Variants in ZHX2 observed in about 807,000 individuals in gnomAD.
ZHX2 encodes the protein zinc fingers and homeoboxes 2.
A neutral mutation model predicts 21.9 loss-of-function variants in ZHX2; 6 were observed. The observed-to-expected ratio is 0.27, with a 90% CI of 0.15 to 0.54. ZHX2 has a LOEUF of 0.54. ZHX2 is among the 20% of genes least tolerant of loss of function. ZHX2 has a pLI of 0.95. For missense variants in ZHX2, 908 were observed against 1,090.7 expected (o/e 0.83, Z 2.36); for synonymous variants, 434 against 437.1 (o/e 0.99, Z 0.09).
intron 2 of ZHX2, among the ~76,000 whole-genome samples, chr8:122,902,021 GA>G (rs5894647): frequency 0.056 from 8,080 of 143,972 alleles, 311 homozygotes; most frequent in Admixed American, 0.14. Context: ...TATGCTACGT[GA>G]AAAAAAAAAA....
At chr8:122,960,985 A>T (rs1813428627) in intron 3 of ZHX2, among the ~76,000 whole-genome samples, 1 of 152,242 alleles carries the variant, frequency 6.6e-6, no homozygotes, top group Non-Finnish European at 1.5e-5. Context: ...GAGCACCCAC[A>T]TGCCTATACA....
chr8:122,892,860 A>G (rs1406656132), intron 2 of ZHX2, among the ~76,000 whole-genome samples: 1 of 151,822 alleles, frequency 6.6e-6, no homozygotes, highest in East Asian at 1.9e-4. Flanking sequence ...AATTTTTTGT[A>G]TTTTTAGTAG....
intron 1 of ZHX2, among the ~76,000 whole-genome samples, chr8:122,832,747 G>A (rs187213633): frequency 1.2e-3 from 176 of 152,262 alleles, no homozygotes; most frequent in African/African-American, 3.8e-3. Flanking sequence ...ACTGGAGGAG[G>A]GATATGCGGT....
chr8:122,918,306 G>T (rs1198939960), intron 2 of ZHX2, among the ~76,000 whole-genome samples: 1 of 152,144 alleles, frequency 6.6e-6, no homozygotes, highest in Non-Finnish European at 1.5e-5. Context: ...ACTGCAATAG[G>T]CCTTGAGGAC....
At chr8:122,790,249 G>A (rs751391409) in intron 1 of ZHX2, among the ~76,000 whole-genome samples, 2 of 152,160 alleles carry the variant, frequency 1.3e-5, no homozygotes, top group Non-Finnish European at 2.9e-5. Context: ...GGAAACTGAG[G>A]CCCGGAAAGG....
At chr8:122,825,829 C>T (rs150864432) in intron 1 of ZHX2, among the ~76,000 whole-genome samples, 12 of 152,334 alleles carry the variant, frequency 7.9e-5, no homozygotes, top group African/African-American at 1.4e-4. Flanking sequence ...TCAGAAACCA[C>T]GCTGCACCAA....
chr8:122,886,362 C>T (rs528890010), intron 2 of ZHX2, among the ~76,000 whole-genome samples: 21 of 152,204 alleles, frequency 1.4e-4, no homozygotes, highest in East Asian at 5.8e-4. Flanking sequence ...ATTTTTAGGG[C>T]GGTGAAACTT....
At chr8:122,797,402 C>T (rs1817633005) in intron 1 of ZHX2, among the ~76,000 whole-genome samples, 1 of 152,190 alleles carries the variant, frequency 6.6e-6, no homozygotes, top group Non-Finnish European at 1.5e-5. Flanking sequence ...CGCAAGGAGC[C>T]TGGAGACTGT....
At chr8:122,969,128 T>C (rs1011195862) in intron 3 of ZHX2, among the ~76,000 whole-genome samples, 5 of 151,194 alleles carry the variant, frequency 3.3e-5, no homozygotes, top group Admixed American at 2.0e-4. Flanking sequence ...GCCACTGCAC[T>C]CCAGCCTGGG....
chr8:122,788,099 A>G (rs1233839512), intron 1 of ZHX2, among the ~76,000 whole-genome samples: 1 of 152,150 alleles, frequency 6.6e-6, no homozygotes, highest in African/African-American at 2.4e-5. Flanking sequence ...ATACCCAGAC[A>G]CAGCACAAGC....
intron 2 of ZHX2, among the ~76,000 whole-genome samples, chr8:122,932,630 C>T (rs1821020658): frequency 6.6e-6 from 1 of 152,216 alleles, no homozygotes; most frequent in Admixed American, 6.5e-5. Context: ...AACTCCATCT[C>T]AAAAAGAAAC....
chr8:122,895,751 A>G (rs1388324079), intron 2 of ZHX2, among the ~76,000 whole-genome samples: 1 of 151,924 alleles, frequency 6.6e-6, no homozygotes, highest in African/African-American at 2.4e-5. Flanking sequence ...GGGAAAAAAA[A>G]AAAAAAAGCT....
At chr8:122,921,226 C>T (rs1586389950) in intron 2 of ZHX2, among the ~76,000 whole-genome samples, 1 of 152,140 alleles carries the variant, frequency 6.6e-6, no homozygotes. Context: ...AGATTACAGG[C>T]ACCCACAACC....
At chr8:122,825,487 G>A (rs1175600306) in intron 1 of ZHX2, among the ~76,000 whole-genome samples, 4 of 152,030 alleles carry the variant, frequency 2.6e-5, no homozygotes, top group African/African-American at 4.8e-5. Flanking sequence ...ATCTTAAACC[G>A]CCTCCCTCCA....
At chr8:122,931,489 G>C (rs56358296) in intron 2 of ZHX2, among the ~76,000 whole-genome samples, 1 of 152,250 alleles carries the variant, frequency 6.6e-6, no homozygotes, top group Non-Finnish European at 1.5e-5. Context: ...GAAATAAAAA[G>C]AAAAATATTT....
chr8:122,935,411 C>T (rs1311986969), intron 2 of ZHX2, among the ~76,000 whole-genome samples: 3 of 152,014 alleles, frequency 2.0e-5, no homozygotes, highest in African/African-American at 7.2e-5. Flanking sequence ...TGTCACGGGT[C>T]GTCAGTGAGC....
intron 2 of ZHX2, among the ~76,000 whole-genome samples, chr8:122,878,225 G>A (rs1011357105): frequency 6.6e-6 from 1 of 152,224 alleles, no homozygotes; most frequent in Non-Finnish European, 1.5e-5. Context: ...GTGTGTGTTT[G>A]TGTGTGTATG....
chr8:122,821,491 A>G (rs1818145667), intron 1 of ZHX2, among the ~76,000 whole-genome samples: 1 of 151,760 alleles, frequency 6.6e-6, no homozygotes, highest in African/African-American at 2.4e-5. Flanking sequence ...GATAAATCTC[A>G]TATCTTACAT....
chr8:122,909,321 T>C (rs1254726034), intron 2 of ZHX2, among the ~76,000 whole-genome samples: 1 of 151,612 alleles, frequency 6.6e-6, no homozygotes, highest in Non-Finnish European at 1.5e-5. Flanking sequence ...TAGTCCCAGC[T>C]ACTAAGGAGG....
Sources: allele counts gnomAD v4.1 joint callset (sites outside exome capture counted in the v4.1 genomes callset), GRCh38; gene constraint gnomAD v4.1.1; transcripts MANE v1.5; gene names NCBI Gene and HGNC (gene_info 2026-07-23, HGNC 2026-07-21).